KLHL29: variants seen among roughly 807,000 people sequenced by gnomAD.
The protein encoded by KLHL29 is kelch like family member 29.
In KLHL29, 21 loss-of-function variants were observed where a neutral mutation model predicts 80.4. That is an observed-to-expected ratio of 0.26 (90% confidence interval 0.19 to 0.38). The LOEUF is 0.38. Among genes scored for constraint, KLHL29 ranks in the 10% least tolerant of loss-of-function variants. The pLI is 1.00. For synonymous variants in KLHL29, 511 were observed against 526.8 expected (o/e 0.97, Z 0.41); for missense variants, 867 against 1,223.9 (o/e 0.71, Z 4.35).
chr2:23,586,338 C>G (rs888606450), intron 3 of KLHL29, among the ~76,000 whole-genome samples: 15 of 150,690 alleles, frequency 1.0e-4, no homozygotes, highest in African/African-American at 3.7e-4. Context: ...GCCTCCCCCC[C>G]ATTCCTTCTA....
intron 2 of KLHL29, among the ~76,000 whole-genome samples, chr2:23,500,558 A>C (rs374315097): frequency 6.6e-6 from 1 of 152,330 alleles, no homozygotes; most frequent in Admixed American, 6.5e-5. Context: ...ATGGAGAAAC[A>C]GACAAGCTCC....
At chr2:23,556,080 A>G (rs559699837) in intron 2 of KLHL29, among the ~76,000 whole-genome samples, 9 of 152,208 alleles carry the variant, frequency 5.9e-5, no homozygotes, top group African/African-American at 2.2e-4. Context: ...TCCCTTGTTC[A>G]CATTTGCTCC....
At chr2:23,395,263 G>T (rs1163540030) in intron 1 of KLHL29, among the ~76,000 whole-genome samples, 1 of 152,148 alleles carries the variant, frequency 6.6e-6, no homozygotes, top group Non-Finnish European at 1.5e-5. Flanking sequence ...ATGCTGCTGT[G>T]GCCGTGACCC....
At chr2:23,620,566 G>A (rs548403533) in intron 3 of KLHL29, among the ~76,000 whole-genome samples, 17 of 152,234 alleles carry the variant, frequency 1.1e-4, no homozygotes, top group Non-Finnish European at 2.2e-4. Context: ...CTCTGGGACA[G>A]AGCATACAGC....
intron 1 of KLHL29, among the ~76,000 whole-genome samples, chr2:23,421,873 A>T (rs956887400): frequency 6.7e-6 from 1 of 148,756 alleles, no homozygotes; most frequent in African/African-American, 2.5e-5. Context: ...GTATTTCTGT[A>T]TGTATGTGTG....
intron 3 of KLHL29, among the ~76,000 whole-genome samples, chr2:23,579,524 C>T (rs1247626884): frequency 1.3e-5 from 2 of 152,146 alleles, no homozygotes; most frequent in African/African-American, 4.8e-5. Flanking sequence ...TCGCCATCCT[C>T]ATTACTACCC....
At chr2:23,512,143 G>A (rs751003074) in intron 2 of KLHL29, among the ~76,000 whole-genome samples, 7 of 152,182 alleles carry the variant, frequency 4.6e-5, no homozygotes, top group Middle Eastern at 3.4e-3. Context: ...CAGTTTCCTC[G>A]TCTTTAAGAT....
At chr2:23,432,839 G>A (rs1454814705) in intron 1 of KLHL29, among the ~76,000 whole-genome samples, 3 of 152,250 alleles carry the variant, frequency 2.0e-5, no homozygotes, top group Non-Finnish European at 4.4e-5. Context: ...GCTGGAGCCA[G>A]GTCACTCAGG....
intron 5 of KLHL29, among the ~76,000 whole-genome samples, chr2:23,670,917 G>GCGCGCACACA (rs150131401): frequency 1.6e-4 from 3 of 18,534 alleles, no homozygotes; most frequent in Non-Finnish European, 2.4e-4. Flanking sequence ...ACATGCACGC[G>GCGCGCACACA]CTCTCTCTCT....
intron 2 of KLHL29, among the ~76,000 whole-genome samples, chr2:23,511,933 C>T (rs1328800100): frequency 6.6e-6 from 1 of 152,050 alleles, no homozygotes; most frequent in African/African-American, 2.4e-5. Context: ...ATTCACCCCA[C>T]CTGTCTTCCG....
chr2:23,444,389 A>G (rs1325685066), intron 1 of KLHL29, among the ~76,000 whole-genome samples: 1 of 151,980 alleles, frequency 6.6e-6, no homozygotes, highest in African/African-American at 2.4e-5. Context: ...CAATGGCAAA[A>G]TCTTGGCTCA....
At chr2:23,462,256 T>C (rs1051405002) in intron 1 of KLHL29, among the ~76,000 whole-genome samples, 2 of 152,176 alleles carry the variant, frequency 1.3e-5, no homozygotes, top group African/African-American at 2.4e-5. Flanking sequence ...GGCAGAGTTC[T>C]GGCAAAGCAT....
At chr2:23,661,149 T>TG (rs1173439870) in intron 5 of KLHL29, among the ~76,000 whole-genome samples, 4 of 152,130 alleles carry the variant, frequency 2.6e-5, no homozygotes, top group Non-Finnish European at 5.9e-5. Flanking sequence ...AAGAGCAGCC[T>TG]GGGAAACATG....
At chr2:23,633,367 G>T (rs1302235945) in intron 3 of KLHL29, among the ~76,000 whole-genome samples, 1 of 152,202 alleles carries the variant, frequency 6.6e-6, no homozygotes, top group Non-Finnish European at 1.5e-5. Context: ...AGAACACAAA[G>T]AGATGCATGT....
chr2:23,479,095 CT>C (rs1664716622), intron 2 of KLHL29, among the ~76,000 whole-genome samples: 1 of 151,838 alleles, frequency 6.6e-6, no homozygotes, highest in African/African-American at 2.4e-5. Context: ...AGACATCTCA[CT>C]GCTGCTCCGG....
chr2:23,393,508 A>G (rs1352861173), intron 1 of KLHL29, among the ~76,000 whole-genome samples: 1 of 152,200 alleles, frequency 6.6e-6, no homozygotes, highest in East Asian at 1.9e-4. Context: ...GTCTCTGCTC[A>G]GATTTCAAAA....
At chr2:23,533,985 C>G (rs1666583956) in intron 2 of KLHL29, among the ~76,000 whole-genome samples, 1 of 149,586 alleles carries the variant, frequency 6.7e-6, no homozygotes, top group Non-Finnish European at 1.5e-5. Flanking sequence ...TTCCACAGCT[C>G]TTTTTGGGGT....
At chr2:23,676,761 T>TA (rs1396261433) in intron 5 of KLHL29, among the ~76,000 whole-genome samples, 2 of 152,168 alleles carry the variant, frequency 1.3e-5, no homozygotes, top group East Asian at 3.9e-4. Flanking sequence ...CCTGTGAACT[T>TA]AGAGAGTTGG....
At chr2:23,426,425 C>T (rs1663005941) in intron 1 of KLHL29, among the ~76,000 whole-genome samples, 1 of 152,228 alleles carries the variant, frequency 6.6e-6, no homozygotes, top group Non-Finnish European at 1.5e-5. Context: ...GCTCCTAGCC[C>T]AACTGAGGGG....
Sources: allele counts gnomAD v4.1 joint callset (sites outside exome capture counted in the v4.1 genomes callset), GRCh38; gene constraint gnomAD v4.1.1; transcripts MANE v1.5; gene names NCBI Gene and HGNC (gene_info 2026-07-23, HGNC 2026-07-21).